ERC1: variants seen among roughly 807,000 people sequenced by gnomAD.
ERC1 encodes the protein RAB6 interacting protein 2.
ERC1 carries 56 observed loss-of-function variants against 132.0 expected under a neutral mutation model. That is an observed-to-expected ratio of 0.42 (90% confidence interval 0.34 to 0.53). The LOEUF (loss-of-function observed/expected upper bound fraction) is 0.53, where lower values mean the gene tolerates loss of function less well. Ranked by LOEUF, ERC1 falls within the 20% of genes least tolerant of loss-of-function variation. The pLI, the probability that ERC1 is intolerant of heterozygous loss-of-function variation, is 0.03. For synonymous variants in ERC1, 478 were observed against 476.1 expected (o/e 1.00, Z -0.05); for missense variants, 1,202 against 1,349.9 (o/e 0.89, Z 1.72).
At chr12:1,047,145 T>C (rs1001160940) in intron 2 of ERC1, among the ~76,000 whole-genome samples, 4 of 152,284 alleles carry the variant, frequency 2.6e-5, no homozygotes, top group Non-Finnish European at 5.9e-5. Flanking sequence ...AACAAATAAA[T>C]CTGTTATTTC....
At chr12:1,069,969 ATTATG>A (rs1388163982) in intron 2 of ERC1, among the ~76,000 whole-genome samples, 1 of 152,228 alleles carries the variant, frequency 6.6e-6, no homozygotes, top group African/African-American at 2.4e-5. Flanking sequence ...TCTGAAGCAT[ATTATG>A]TTAAGTAACA....
chr12:1,289,750 C>T (rs183193071), intron 14 of ERC1, 102 bp from the exon 15 acceptor site: 7 of 810,580 alleles, frequency 8.6e-6, no homozygotes, highest in African/African-American at 3.4e-5. Context: ...TGTGTTCCTG[C>T]GTCTCTTCAA....
At chr12:1,207,245 A>G (rs985758815) in intron 12 of ERC1, among the ~76,000 whole-genome samples, 3 of 152,166 alleles carry the variant, frequency 2.0e-5, no homozygotes, top group East Asian at 1.9e-4. Flanking sequence ...ACCTCATCAT[A>G]AGATATATCA....
At chr12:1,174,724 CTTGG>C (rs1319747496) in intron 8 of ERC1, among the ~76,000 whole-genome samples, 1 of 152,160 alleles carries the variant, frequency 6.6e-6, no homozygotes, top group African/African-American at 2.4e-5. Context: ...GTATGTAAAA[CTTGG>C]TTGGTTCTGT....
chr12:994,783 G>A (rs1052150004), intron 1 of ERC1, among the ~76,000 whole-genome samples: 32 of 152,028 alleles, frequency 2.1e-4, no homozygotes, highest in African/African-American at 7.5e-4. Context: ...GCAACATAGC[G>A]AGACCATGTC....
In ERC1 at chr12:1,109,983, G is replaced by T. The variant is rs76148618; in HGVS notation, c.1162-209G>T. Among the ~76,000 whole-genome samples the T allele has an allele frequency of 9.3e-3, 1,418 of 152,314 alleles. 20 individuals carry two copies. Among genetic ancestry groups the T allele is most frequent in the African/African-American group, 0.031 (1,289 of 41,548 alleles). Reference sequence around the variant, plus strand: ...GAACTGCTTGAACCCAGAGGCAGAGGTTGCAGTGAGCTAAGATTGCGTCAC... The same window carrying T: ...GAACTGCTTGAACCCAGAGGCAGAGTTTGCAGTGAGCTAAGATTGCGTCAC... On this transcript the variant is annotated intron_variant, in intron 4 of 18. Transcript: ENST00000360905.
At chr12:1,247,886 C>T (rs2076251015) in intron 13 of ERC1, among the ~76,000 whole-genome samples, 2 of 152,256 alleles carry the variant, frequency 1.3e-5, no homozygotes, top group South Asian at 4.1e-4. Context: ...ATCCCAGCTA[C>T]TCAGGAGGCT....
At chr12:1,355,939 C>T (rs1021052888) in intron 15 of ERC1, among the ~76,000 whole-genome samples, 1 of 152,066 alleles carries the variant, frequency 6.6e-6, no homozygotes, top group Non-Finnish European at 1.5e-5. Context: ...GGTGCGGTGG[C>T]TTACACCTGT....
At position 1,289,848 on chromosome 12, in the gene ERC1, A is replaced by G. The variant is rs770059206; in HGVS notation, c.2620-4A>G. 1 of 1,612,434 alleles carries G rather than the reference A, an allele frequency of 6.2e-7. No individual in the cohort carries two copies. Among genetic ancestry groups the G allele is most frequent in the Non-Finnish European group, 8.5e-7 (1 of 1,178,642 alleles). On this transcript the variant is annotated splice_region_variant and splice_polypyrimidine_tract_variant and intron_variant, in intron 14 of 18. Coordinates refer to ENST00000360905, the MANE Select transcript of ERC1 (RefSeq NM_178040.4). ...TGTTGTTCTCTTTCCCATATTTATG[A>G]TAGGTGGAGGAGTTACTGATGGCCA... is the stretch of plus-strand genomic sequence containing the variant.
chr12:1,362,166 C>A (rs952179545), intron 15 of ERC1, among the ~76,000 whole-genome samples: 3 of 152,154 alleles, frequency 2.0e-5, no homozygotes, highest in Non-Finnish European at 4.4e-5. Context: ...TGATATTTAA[C>A]ACTAAGTGGC....
rs568232254 is a variant in ERC1, at chr12:1,066,666, A to G, written c.670-16498A>G. Among the ~76,000 whole-genome samples, 7 of 152,154 alleles carry G rather than the reference A, an allele frequency of 4.6e-5. No individual in the cohort carries two copies. The East Asian group carries it at 1.4e-3, about 29-fold the overall frequency. On this transcript the variant is annotated intron_variant, in intron 2 of 18. Coordinates refer to ENST00000360905, the MANE Select transcript of ERC1 (RefSeq NM_178040.4). ...AGCCTGGCCAACATGGTGAAACCTC[A>G]TCTCTACTAAAAATAGAAAAATTAT...
At position 1,122,625 on chromosome 12, in the gene ERC1, G is replaced by A. The variant is rs201518149; in HGVS notation, c.1569+6592G>A. On this transcript the variant is annotated intron_variant, in intron 7 of 18. Transcript: ENST00000360905. ...TGTCTCTATCTCTATCTCTATCTGT[G>A]TCTCTATCTCTATCTCTATCTCTAT... Among the ~76,000 whole-genome samples, 10 of 6,034 alleles carry A rather than the reference G, an allele frequency of 1.7e-3. 1 individual carries two copies. The highest frequency in any genetic ancestry group is 2.1e-3 in the Non-Finnish European group (4 of 1,906). The allele number at this position is 6,034 out of a possible 152,430, so 4.0% of individuals were successfully genotyped here.
At chr12:1,129,932 C>T (rs566319800) in intron 7 of ERC1, among the ~76,000 whole-genome samples, 13 of 152,112 alleles carry the variant, frequency 8.5e-5, no homozygotes, top group Admixed American at 2.6e-4. Context: ...GTAATAGTGC[C>T]GTTACAGCCA....
intron 12 of ERC1, among the ~76,000 whole-genome samples, chr12:1,216,902 A>C (rs1958483418): frequency 6.6e-6 from 1 of 152,174 alleles, no homozygotes; most frequent in African/African-American, 2.4e-5. Flanking sequence ...AATACAATTA[A>C]GGGAGAAAAT....
At chr12:1,134,354 T>TG (rs1270658594) in intron 7 of ERC1, among the ~76,000 whole-genome samples, 2 of 152,008 alleles carry the variant, frequency 1.3e-5, no homozygotes, top group African/African-American at 4.8e-5. Flanking sequence ...AATTTTTTTT[T>TG]TTTTTTTAAA....
At chr12:1,043,656 A>G (rs1970637790) in intron 2 of ERC1, among the ~76,000 whole-genome samples, 1 of 152,154 alleles carries the variant, frequency 6.6e-6, no homozygotes, top group Admixed American at 6.5e-5. Context: ...TAGGAATTTG[A>G]TAGGTGAAAA....
intron 2 of ERC1, among the ~76,000 whole-genome samples, chr12:1,042,874 A>G (rs1970484176): frequency 6.6e-6 from 1 of 152,108 alleles, no homozygotes; most frequent in African/African-American, 2.4e-5. Flanking sequence ...CTTCCTGGGC[A>G]TAGGAACTTA....
chr12:1,117,704 G>T (rs7308267), intron 7 of ERC1, among the ~76,000 whole-genome samples: 11 of 152,154 alleles, frequency 7.2e-5, no homozygotes, highest in African/African-American at 2.7e-4. Context: ...CCAGTGTCTG[G>T]CACATAGTAA....
At chr12:1,185,728 G>GTT (rs1395204367) in intron 11 of ERC1, among the ~76,000 whole-genome samples, 6 of 136,350 alleles carry the variant, frequency 4.4e-5, no homozygotes, top group African/African-American at 1.6e-4. Flanking sequence ...GGAACTCTAG[G>GTT]TTGTTTTTTT....
Sources: allele counts gnomAD v4.1 joint callset (sites outside exome capture counted in the v4.1 genomes callset), GRCh38; gene constraint gnomAD v4.1.1; transcripts MANE v1.5; gene names NCBI Gene and HGNC (gene_info 2026-07-23, HGNC 2026-07-21).